Variants in SBF2 observed in about 807,000 individuals in gnomAD.
SBF2 encodes the protein myotubularin-related protein 13.
Under a neutral mutation model 225.2 loss-of-function variants are expected in SBF2, and 112 were observed. That is an observed-to-expected ratio of 0.50 (90% CI 0.43 to 0.58). The LOEUF (loss-of-function observed/expected upper bound fraction) is 0.58. Ranked by LOEUF, SBF2 falls within the 20% of genes least tolerant of loss-of-function variation. SBF2 has a pLI of 0.00. For missense variants in SBF2, 1,996 were observed against 2,206.2 expected (o/e 0.90, Z 1.91); for synonymous variants, 763 against 773.3 (o/e 0.99, Z 0.22).
At chr11:10,057,611 C>T (rs189840426) in intron 2 of SBF2, among the ~76,000 whole-genome samples, 3 of 152,284 alleles carry the variant, frequency 2.0e-5, no homozygotes, top group Admixed American at 6.5e-5. Flanking sequence ...GACCCTTGGC[C>T]ACAACCACTA....
intron 3 of SBF2, among the ~76,000 whole-genome samples, chr11:10,034,094 T>G (rs1215048458): frequency 1.3e-5 from 2 of 152,210 alleles, no homozygotes; most frequent in Admixed American, 6.5e-5. Flanking sequence ...TAAAGATTAT[T>G]CCTTGCTTTT....
In SBF2 at chr11:9,781,782, A is replaced by G. The variant is rs904334988; in HGVS notation, c.5320-144T>C. 15 of 945,986 alleles carry G rather than the reference A, an allele frequency of 1.6e-5. No homozygotes were observed. The African/African-American group carries it at 2.1e-4, about 13-fold the overall frequency. The allele number at this position is 945,986 out of a possible 1,614,324, so 58.6% of individuals were successfully genotyped here. A position where few individuals can be genotyped will look rare whatever the true frequency, so the allele number is the denominator to read the frequency against. On this transcript the variant is annotated intron_variant, in intron 38 of 39. Transcript: ENST00000256190. ...CGAAGAATACACAAAAAATTAATTAATAATACTTGTTGCTTCTAGGAAGAA... is the reference window on the plus strand; with the variant it reads ...CGAAGAATACACAAAAAATTAATTAGTAATACTTGTTGCTTCTAGGAAGAA...
At chr11:10,161,947 T>C (rs1382938258) in intron 2 of SBF2, among the ~76,000 whole-genome samples, 1 of 152,222 alleles carries the variant, frequency 6.6e-6, no homozygotes, top group African/African-American at 2.4e-5. Context: ...ATTGCACCAC[T>C]ACATTCTTGG....
At chr11:9,980,788 G>A (rs1277355535) in intron 13 of SBF2, among the ~76,000 whole-genome samples, 1 of 149,806 alleles carries the variant, frequency 6.7e-6, no homozygotes, top group Non-Finnish European at 1.5e-5. Flanking sequence ...CTGTGGTCTC[G>A]ATCTCCTGAC....
intron 28 of SBF2, among the ~76,000 whole-genome samples, chr11:9,820,112 A>G (rs1488505837): frequency 6.6e-6 from 1 of 152,256 alleles, no homozygotes; most frequent in Non-Finnish European, 1.5e-5. Context: ...AATTGTGAGC[A>G]GTTTTAGCAC....
At chr11:10,167,170 T>C (rs1955994716) in intron 2 of SBF2, among the ~76,000 whole-genome samples, 1 of 152,230 alleles carries the variant, frequency 6.6e-6, no homozygotes, top group Non-Finnish European at 1.5e-5. Flanking sequence ...AATTTTTGAA[T>C]TATATACAAA....
chr11:10,193,036 G>A (rs986410396), intron 2 of SBF2, among the ~76,000 whole-genome samples: 127 of 152,060 alleles, frequency 8.4e-4, no homozygotes, highest in African/African-American at 3.0e-3. Flanking sequence ...CCTTTAAAAC[G>A]GGTAACAACA....
intron 2 of SBF2, among the ~76,000 whole-genome samples, chr11:10,073,519 C>G (rs1204580466): frequency 5.3e-5 from 8 of 152,064 alleles, no homozygotes; most frequent in Non-Finnish European, 1.2e-4. Context: ...TTGAGACCAG[C>G]CTGGCCTACA....
chr11:9,790,451 A>G, intron 34 of SBF2, 105 bp downstream of exon 34: 1 of 955,660 alleles, frequency 1.0e-6, no homozygotes, highest in Non-Finnish European at 1.6e-6. Flanking sequence ...TATGAAACCT[A>G]GTCCAATGTT....
At chr11:9,952,070 A>G (rs184628395) in intron 16 of SBF2, among the ~76,000 whole-genome samples, 7 of 152,316 alleles carry the variant, frequency 4.6e-5, no homozygotes, top group Non-Finnish European at 1.0e-4. Flanking sequence ...CAGTTTTACA[A>G]TCTCTTGCCT....
At chr11:10,238,699 G>C (rs1249667234) in intron 1 of SBF2, among the ~76,000 whole-genome samples, 1 of 150,696 alleles carries the variant, frequency 6.6e-6, no homozygotes, top group African/African-American at 2.4e-5. Context: ...GATCACCTGA[G>C]GTCAGGAGTT....
chr11:10,045,142 A>G (rs1307031478), intron 2 of SBF2, among the ~76,000 whole-genome samples: 1 of 151,030 alleles, frequency 6.6e-6, no homozygotes, highest in African/African-American at 2.4e-5. Flanking sequence ...AAAAAGGTCA[A>G]CTTGTTTTTG....
rs527651459 is a variant in SBF2, at chr11:9,944,344, A to G, written c.1860+17613T>C. Among the ~76,000 whole-genome samples the G allele has an allele frequency of 2.7e-4, 41 of 152,340 alleles. No individual in the cohort carries two copies. In the South Asian group the frequency reaches 4.1e-3, roughly 15 times the overall value. On this transcript the variant is annotated intron_variant, in intron 16 of 39. Coordinates refer to ENST00000256190, the MANE Select transcript of SBF2 (RefSeq NM_030962.4). The stretch of plus-strand genomic sequence containing the variant: ...TAAACTGGGTGGTGGGCACACAGAT[A>G]TATTTTACTATTGTTCTTTAAACAT...
At chr11:10,086,984 T>A (rs1951589730) in intron 2 of SBF2, among the ~76,000 whole-genome samples, 1 of 152,188 alleles carries the variant, frequency 6.6e-6, no homozygotes, top group Admixed American at 6.5e-5. Context: ...CCATCTTTGA[T>A]CTAAAGTCCT....
chr11:9,963,236 G>A (rs141038796), intron 15 of SBF2, among the ~76,000 whole-genome samples: 76 of 152,142 alleles, frequency 5.0e-4, no homozygotes, highest in African/African-American at 1.2e-3. Flanking sequence ...AGGCTGAGGC[G>A]GCTGGATCAC....
At chr11:10,095,860 A>G (rs1951996669) in intron 2 of SBF2, among the ~76,000 whole-genome samples, 1 of 152,200 alleles carries the variant, frequency 6.6e-6, no homozygotes, top group Admixed American at 6.5e-5. Context: ...GTCCCAAATA[A>G]AACAGCCATA....
At chr11:10,029,932 G>A (rs1035317381) in intron 4 of SBF2, 57 bp from the exon 5 acceptor site, 33 of 1,177,638 alleles carry the variant, frequency 2.8e-5, no homozygotes, top group Non-Finnish European at 4.1e-5. Flanking sequence ...AAAATAAATT[G>A]TTATGACATC....
At chr11:9,933,391 T>C (rs1261212891) in intron 16 of SBF2, among the ~76,000 whole-genome samples, 3 of 152,164 alleles carry the variant, frequency 2.0e-5, no homozygotes, top group South Asian at 2.1e-4. Flanking sequence ...TATTCCAAAA[T>C]TGACCACATA....
intron 16 of SBF2, among the ~76,000 whole-genome samples, chr11:9,927,629 T>C (rs1313281882): frequency 2.0e-5 from 3 of 152,130 alleles, no homozygotes; most frequent in Admixed American, 6.6e-5. Flanking sequence ...GGTTTCACAT[T>C]AGCAAATCAA....
Sources: allele counts gnomAD v4.1 joint callset (sites outside exome capture counted in the v4.1 genomes callset), GRCh38; gene constraint gnomAD v4.1.1; transcripts MANE v1.5; gene names NCBI Gene and HGNC (gene_info 2026-07-23, HGNC 2026-07-21).